Variants in ODAD2 observed in about 807,000 individuals in gnomAD.
ODAD2 encodes outer dynein arm docking complex subunit 2, also known as outer dynein arm-docking complex subunit 2.
ODAD2 carries 89 observed loss-of-function variants against 106.8 expected under a neutral mutation model. The ratio of observed to expected loss-of-function variants is 0.83; its 90% CI spans 0.70 to 0.99. ODAD2 has a LOEUF of 0.99. ODAD2 is among the 50% of genes least tolerant of loss of function. The pLI is 0.00. For synonymous variants in ODAD2, 404 were observed against 436.2 expected (o/e 0.93, Z 0.92); for missense variants, 1,168 against 1,238.5 (o/e 0.94, Z 0.85).
chr10:27,977,789 A>T (rs1849294069), intron 7 of ODAD2, among the ~76,000 whole-genome samples: 1 of 152,240 alleles, frequency 6.6e-6, no homozygotes, highest in Non-Finnish European at 1.5e-5. Flanking sequence ...AGCACATGAA[A>T]AGATGCATTC....
At position 27,862,510 on chromosome 10, in the gene ODAD2, A is replaced by G. The variant is rs1198350484; in HGVS notation, c.2723T>C (p.Ile908Thr). 1.2e-6 allele frequency: 2 copies of G among 1,613,006 alleles called. No homozygotes were observed. The highest frequency in any genetic ancestry group is 2.2e-5 in the South Asian group (2 of 90,840). The change falls in exon 18 of 20, where the codon ATA becomes ACA. Residue 908 changes from isoleucine (I) to threonine (T), a missense_variant. This residue lies in a region of ODAD2 where 701 missense variants were observed against 712.3 expected (regional missense o/e 0.98). Coordinates refer to ENST00000305242, the MANE Select transcript of ODAD2 (RefSeq NM_018076.5). ...AGCTAAATTTTCTTGATCTTTTGCTATGTTGGTAATGGCAGCACATACACT... is the reference window on the plus strand; with the variant it reads ...AGCTAAATTTTCTTGATCTTTTGCTGTGTTGGTAATGGCAGCACATACACT... ...LASVCAAITNIAKDQENLAVI... is the reference protein window; with the variant it reads ...LASVCAAITNTAKDQENLAVI...
chr10:27,879,007 A>G (rs188728676), intron 17 of ODAD2, among the ~76,000 whole-genome samples: 1 of 152,214 alleles, frequency 6.6e-6, no homozygotes, highest in African/African-American at 2.4e-5. Context: ...TACAATCGTT[A>G]TAGTCTAGAC....
chr10:27,986,919 T>C (rs1849907592), intron 3 of ODAD2, among the ~76,000 whole-genome samples: 1 of 152,238 alleles, frequency 6.6e-6, no homozygotes, highest in African/African-American at 2.4e-5. Flanking sequence ...AAAGGGAGAC[T>C]ATTAAAGGCT....
At chr10:27,963,242 C>T (rs1456252765) in intron 9 of ODAD2, among the ~76,000 whole-genome samples, 1 of 151,996 alleles carries the variant, frequency 6.6e-6, no homozygotes, top group Non-Finnish European at 1.5e-5. Context: ...CTCTTGACCT[C>T]GTGATCCTCC....
At position 27,812,371 on chromosome 10, in the gene ODAD2, T is replaced by C; in HGVS notation, c.*141A>G. On this transcript the variant is annotated 3_prime_UTR_variant, in exon 20 of 20. Coordinates refer to ENST00000305242, the MANE Select transcript of ODAD2 (RefSeq NM_018076.5). Reference sequence around the variant, plus strand: ...CAATTTTCAGATGAAAAACATTCTGTGCATTTTCAATTTGTGTGTTTTCAT... The same window carrying C: ...CAATTTTCAGATGAAAAACATTCTGCGCATTTTCAATTTGTGTGTTTTCAT... 1.4e-6 allele frequency: 1 copy of C among 710,022 alleles called. No homozygotes were observed. Among genetic ancestry groups the C allele is most frequent in the Non-Finnish European group, 2.3e-6 (1 of 441,434 alleles). The allele number at this position is 710,022 out of a possible 1,614,324, so 44.0% of individuals were successfully genotyped here.
At chr10:27,890,768 AT>A (rs201480933) in intron 17 of ODAD2, among the ~76,000 whole-genome samples, 50 of 77,632 alleles carry the variant, frequency 6.4e-4, no homozygotes, top group Middle Eastern at 7.4e-3. Flanking sequence ...GTATATATAT[AT>A]TTAAAAAAAA....
intron 17 of ODAD2, among the ~76,000 whole-genome samples, chr10:27,882,850 T>C (rs1309452854): frequency 6.6e-6 from 1 of 152,038 alleles, no homozygotes; most frequent in East Asian, 1.9e-4. Context: ...TTGTCTTTAC[T>C]TGACCTAAGA....
chr10:27,927,146 C>T (rs1845311415), intron 16 of ODAD2, among the ~76,000 whole-genome samples: 1 of 152,106 alleles, frequency 6.6e-6, no homozygotes, highest in Non-Finnish European at 1.5e-5. Context: ...ATCACTTTTA[C>T]TTCAGTAGCC....
chr10:27,931,463 T>C (rs74399544), intron 16 of ODAD2, among the ~76,000 whole-genome samples: 4,380 of 152,178 alleles, frequency 0.029, 72 homozygotes, highest in Non-Finnish European at 0.046. Flanking sequence ...CTTTACTATT[T>C]TAAAATTATC....
chr10:27,881,416 G>A (rs1456036698), intron 17 of ODAD2, among the ~76,000 whole-genome samples: 1 of 152,006 alleles, frequency 6.6e-6, no homozygotes, highest in Non-Finnish European at 1.5e-5. Context: ...GGGAGGCCAA[G>A]GTGGGAGAAT....
chr10:27,904,279 C>T, intron 17 of ODAD2: 1 of 402,626 alleles, frequency 2.5e-6, no homozygotes, highest in South Asian at 2.1e-5. Context: ...CACAAAGTGG[C>T]ACAGGACAAG....
chr10:27,842,724 G>T (rs1054244753), intron 19 of ODAD2, among the ~76,000 whole-genome samples: 3 of 152,116 alleles, frequency 2.0e-5, no homozygotes, highest in African/African-American at 7.2e-5. Flanking sequence ...CAAGTCAGAT[G>T]ATTGATTAAA....
chr10:27,985,349 A>G (rs1849815956), intron 3 of ODAD2, 138 bp from the exon 4 acceptor site: 2 of 678,440 alleles, frequency 2.9e-6, no homozygotes, highest in African/African-American at 1.8e-5. Context: ...CGACCCAATT[A>G]GAATTCATCT....
rs72799695 is a variant in ODAD2 at position 27,965,524 on chromosome 10, C to T, written c.1238+3399G>A. On this transcript the variant is annotated intron_variant, in intron 9 of 19. Transcript: ENST00000305242. ...ATTTGGGCTATTGCAGAGCAAGATA[C>T]GGAGGAGAGTCCAGGAGGAGACAGG... is the stretch of plus-strand genomic sequence containing the variant. 7.9e-5 allele frequency among the ~76,000 whole-genome samples: 12 copies of T among 152,048 alleles called. No homozygotes were observed. The East Asian group carries it at 1.2e-3, about 15-fold the overall frequency.
intron 19 of ODAD2, among the ~76,000 whole-genome samples, chr10:27,855,642 T>C (rs971208548): frequency 6.6e-6 from 1 of 152,184 alleles, no homozygotes; most frequent in African/African-American, 2.4e-5. Context: ...CAGTATTTTT[T>C]TGTCCCTGTG....
At chr10:27,966,174 T>C (rs906897938) in intron 9 of ODAD2, among the ~76,000 whole-genome samples, 9 of 152,214 alleles carry the variant, frequency 5.9e-5, no homozygotes, top group African/African-American at 2.2e-4. Flanking sequence ...TGTAAAACAC[T>C]ATGATTATGC....
At chr10:27,902,694 C>T (rs529946678) in intron 17 of ODAD2, among the ~76,000 whole-genome samples, 1 of 152,188 alleles carries the variant, frequency 6.6e-6, no homozygotes, top group South Asian at 2.1e-4. Context: ...ACTAGAAAAT[C>T]GAGAAGAAAT....
chr10:27,858,187 C>T (rs1402098726), intron 19 of ODAD2, among the ~76,000 whole-genome samples: 1 of 152,064 alleles, frequency 6.6e-6, no homozygotes, highest in Admixed American at 6.6e-5. Context: ...TATGATTCTA[C>T]CAACACCCAG....
At chr10:27,821,867 CT>C (rs1836641098) in intron 19 of ODAD2, among the ~76,000 whole-genome samples, 1 of 152,152 alleles carries the variant, frequency 6.6e-6, no homozygotes, top group South Asian at 2.1e-4. Context: ...AAACTTTTCT[CT>C]TTTTAATCCT....
Sources: gnomAD v4.1 joint callset for allele counts (sites outside exome capture counted in the v4.1 genomes callset) on GRCh38, gnomAD v4.1.1 for gene constraint, gnomAD v4.1.1 regional missense constraint, MANE v1.5 for transcripts, NCBI Gene and HGNC (gene_info 2026-07-23, HGNC 2026-07-21) for gene names.